Variants in DOCK4 observed in about 807,000 individuals in gnomAD.
The protein encoded by DOCK4 is dedicator of cytokinesis protein 4.
A neutral mutation model predicts 268.1 loss-of-function variants in DOCK4; 97 were observed. The observed-to-expected ratio is 0.36, with a 90% confidence interval of 0.31 to 0.43. The LOEUF is 0.43. Ranked by LOEUF, DOCK4 falls within the 20% of genes least tolerant of loss-of-function variation. The probability of loss-of-function intolerance (pLI) is 1.00; values close to 1 mark genes in which losing one functional copy is unlikely to be tolerated. For missense variants in DOCK4, 2,145 were observed against 2,455.7 expected, an observed-to-expected ratio of 0.87 and a Z score of 2.67; for synonymous variants, 954 against 887.2, an observed-to-expected ratio of 1.08 and a Z score of -1.34.
chr7:112,172,287 G>A (rs185208906), intron 1 of DOCK4, among the ~76,000 whole-genome samples: 216 of 152,250 alleles, frequency 1.4e-3, no homozygotes, highest in Non-Finnish European at 2.7e-3. Flanking sequence ...GGGAATGCCT[G>A]CAGAAATAAG....
intron 31 of DOCK4, 69 bp from the exon 32 acceptor site, chr7:111,788,816 G>GT: frequency 2.3e-6 from 3 of 1,325,556 alleles, no homozygotes; most frequent in South Asian, 2.5e-5. Flanking sequence ...AAGTTAAAAC[G>GT]TATTTCTTTG....
At chr7:112,148,693 T>C (rs1262278482) in intron 1 of DOCK4, among the ~76,000 whole-genome samples, 1 of 152,142 alleles carries the variant, frequency 6.6e-6, no homozygotes, top group Admixed American at 6.5e-5. Flanking sequence ...TGTTTTGTTT[T>C]TCCTCCCATC....
intron 44 of DOCK4, among the ~76,000 whole-genome samples, chr7:111,745,757 G>T (rs1796222208): frequency 7.6e-6 from 1 of 131,394 alleles, no homozygotes; most frequent in Non-Finnish European, 1.6e-5. Flanking sequence ...AACATTCAAA[G>T]AATGTTTTAA....
chr7:111,743,004 A>G (rs1458025282), intron 44 of DOCK4, among the ~76,000 whole-genome samples: 1 of 152,130 alleles, frequency 6.6e-6, no homozygotes, highest in African/African-American at 2.4e-5. Flanking sequence ...AAAAGAAAAA[A>G]AAAAGAAAAA....
chr7:111,912,522 C>CA (rs1469514101), intron 13 of DOCK4, among the ~76,000 whole-genome samples: 1 of 151,518 alleles, frequency 6.6e-6, no homozygotes, highest in Non-Finnish European at 1.5e-5. Context: ...GAGGATATGT[C>CA]AAAAAAATTT....
intron 1 of DOCK4, among the ~76,000 whole-genome samples, chr7:112,044,887 C>T (rs1197316967): frequency 6.6e-6 from 1 of 152,176 alleles, no homozygotes; most frequent in Non-Finnish European, 1.5e-5. Context: ...TCTATTGCTA[C>T]AGTTTCTAAC....
At chr7:111,882,511 C>A (rs559049533) in intron 16 of DOCK4, among the ~76,000 whole-genome samples, 2 of 152,280 alleles carry the variant, frequency 1.3e-5, no homozygotes, top group East Asian at 1.9e-4. Context: ...TTTATTCTTT[C>A]GAATTTGTTC....
intron 26 of DOCK4, among the ~76,000 whole-genome samples, chr7:111,826,144 A>G (rs892225782): frequency 1.3e-5 from 2 of 152,190 alleles, no homozygotes; most frequent in African/African-American, 4.8e-5. Flanking sequence ...CCACACAGAT[A>G]CATGTATGCT....
At chr7:111,993,980 G>C (rs1799730170) in intron 5 of DOCK4, among the ~76,000 whole-genome samples, 155 bp downstream of exon 5, 2 of 152,188 alleles carry the variant, frequency 1.3e-5, no homozygotes, top group Admixed American at 1.3e-4. Flanking sequence ...AGTGGACACA[G>C]AGATTGTAAC....
intron 38 of DOCK4, 83 bp from the exon 39 acceptor site, chr7:111,765,305 A>C (rs1051797619): frequency 1.2e-6 from 1 of 832,296 alleles, no homozygotes; most frequent in East Asian, 3.0e-5. Flanking sequence ...TCTTTTTTAC[A>C]TAAAGGAGAA....
chr7:112,164,023 G>A (rs529144378), intron 1 of DOCK4, among the ~76,000 whole-genome samples: 48 of 152,158 alleles, frequency 3.2e-4, no homozygotes, highest in African/African-American at 1.1e-3. Context: ...AGGCTCATGC[G>A]TATAATCCCC....
rs572144678 is a variant in DOCK4, at chr7:111,759,886, C to T, written c.4162+295G>A. The stretch of plus-strand genomic sequence containing the variant: ...CAGGATATGTCAAAGGAAGTTTATT[C>T]TAAAGGATGTCACTAAAAAAGAGCT... On this transcript the variant is annotated intron_variant, in intron 40 of 52. Coordinates refer to ENST00000428084, the MANE Select transcript of DOCK4 (RefSeq NM_001363540.2). 9.9e-5 allele frequency among the ~76,000 whole-genome samples: 15 copies of T among 152,022 alleles called. No homozygotes were observed. In the East Asian group the frequency reaches 2.9e-3, roughly 29 times the overall value.
intron 16 of DOCK4, among the ~76,000 whole-genome samples, chr7:111,894,093 G>A (rs1047121230): frequency 2.0e-5 from 3 of 152,060 alleles, no homozygotes; most frequent in Non-Finnish European, 4.4e-5. Flanking sequence ...ATGGTGGCGG[G>A]TGCCTGGTGT....
At chr7:112,033,765 G>A (rs985905133) in intron 1 of DOCK4, among the ~76,000 whole-genome samples, 1 of 152,144 alleles carries the variant, frequency 6.6e-6, no homozygotes, top group Admixed American at 6.5e-5. Flanking sequence ...TTGGAAATCT[G>A]AGCCACTACA....
chr7:111,972,317 G>A (rs1797779707), intron 8 of DOCK4, among the ~76,000 whole-genome samples: 1 of 151,712 alleles, frequency 6.6e-6, no homozygotes, highest in African/African-American at 2.4e-5. Context: ...GGGGTCTGCA[G>A]CTCTACTCTG....
intron 12 of DOCK4, among the ~76,000 whole-genome samples, chr7:111,935,049 C>A (rs1233342554): frequency 6.6e-6 from 1 of 151,492 alleles, no homozygotes; most frequent in African/African-American, 2.4e-5. Flanking sequence ...CAGGTTCAAG[C>A]AATTCTCCTT....
At chr7:111,747,496 A>C (rs557506734) in intron 42 of DOCK4, 53 bp from the exon 43 acceptor site, 1 of 1,494,574 alleles carries the variant, frequency 6.7e-7, no homozygotes, top group African/African-American at 1.4e-5. Flanking sequence ...TTCAAGAAGA[A>C]AGACAAAGTA....
chr7:111,749,600 C>T (rs1297177527), intron 42 of DOCK4, among the ~76,000 whole-genome samples: 1 of 152,022 alleles, frequency 6.6e-6, no homozygotes. Flanking sequence ...ATAATAAACA[C>T]AGGCAAAATA....
intron 1 of DOCK4, among the ~76,000 whole-genome samples, chr7:112,105,007 A>G (rs1478103276): frequency 6.6e-6 from 1 of 152,204 alleles, no homozygotes; most frequent in Non-Finnish European, 1.5e-5. Flanking sequence ...TATCCTCTAA[A>G]GACTACTAGC....
Sources: allele counts gnomAD v4.1 joint callset (sites outside exome capture counted in the v4.1 genomes callset), GRCh38; gene constraint gnomAD v4.1.1; transcripts MANE v1.5; gene names NCBI Gene and HGNC (gene_info 2026-07-23, HGNC 2026-07-21).